The following ZBTB7C variants were observed in gnomAD, a reference collection of about 807,000 sequenced individuals.
ZBTB7C encodes zinc finger and BTB domain-containing protein 7C.
Under a neutral mutation model 25.7 loss-of-function variants are expected in ZBTB7C, and 8 were observed. That is an observed-to-expected ratio of 0.31 (90% CI 0.18 to 0.56). ZBTB7C has a LOEUF of 0.56. Among genes scored for constraint, ZBTB7C ranks in the 20% least tolerant of loss-of-function variants. ZBTB7C has a pLI of 0.91. For missense variants in ZBTB7C, 824 were observed against 855.2 expected, an observed-to-expected ratio of 0.96 and a Z score of 0.46; for synonymous variants, 394 against 369.0, an observed-to-expected ratio of 1.07 and a Z score of -0.78.
At chr18:48,372,555 T>C (rs1259538405) in intron 1 of ZBTB7C, among the ~76,000 whole-genome samples, 2 of 152,152 alleles carry the variant, frequency 1.3e-5, no homozygotes, top group Non-Finnish European at 2.9e-5. Flanking sequence ...TTGACGTGGG[T>C]TAAGCTATTA....
At chr18:48,405,380 T>C (rs973419529) in intron 1 of ZBTB7C, among the ~76,000 whole-genome samples, 1 of 152,106 alleles carries the variant, frequency 6.6e-6, no homozygotes, top group African/African-American at 2.4e-5. Context: ...GGGAACCACA[T>C]CTAATTTGCC....
chr18:48,159,483 C>T (rs761228996), intron 3 of ZBTB7C, among the ~76,000 whole-genome samples: 27 of 152,164 alleles, frequency 1.8e-4, no homozygotes, highest in Non-Finnish European at 3.5e-4. Flanking sequence ...TTCATCATCA[C>T]AAGAAAGTCA....
chr18:48,060,017 GC>G (rs1362651126), intron 3 of ZBTB7C, among the ~76,000 whole-genome samples: 1 of 152,118 alleles, frequency 6.6e-6, no homozygotes, highest in East Asian at 1.9e-4. Context: ...GAGGAGGAGA[GC>G]CCCTTTGTAA....
chr18:48,029,977 C>A lies in ZBTB7C; in HGVS notation c.1209-66G>T, dbSNP rs1361916781. On this transcript the variant is annotated intron_variant, in intron 4 of 4. Coordinates refer to ENST00000590800, the MANE Select transcript of ZBTB7C (RefSeq NM_001318841.2). The stretch of plus-strand genomic sequence containing the variant: ...CAGGAGCCATTCCTAACCTTTTGCT[C>A]CCCCTTTCTCCAGAACCAGCCGAGG... The A allele has an allele frequency of 1.9e-6, 3 of 1,595,206 alleles. No homozygotes were observed. In the East Asian group the frequency reaches 6.7e-5, roughly 36 times the overall value.
rs750079667 is a variant in ZBTB7C, at chr18:48,203,906, G to C, written c.-78-17911C>G. ...TAGAGAGGAGGAGAGGCTCTGAAGA[G>C]GGGGTGTCTCCTCTACTCATAATTT... is the stretch of plus-strand genomic sequence containing the variant. On this transcript the variant is annotated intron_variant, in intron 2 of 4. Transcript: ENST00000590800. Among the ~76,000 whole-genome samples, 69 of 152,174 alleles carry C rather than the reference G, an allele frequency of 4.5e-4. 1 individual carries two copies. Among genetic ancestry groups the C allele is most frequent in the Non-Finnish European group, 9.0e-4 (61 of 68,024 alleles).
intron 1 of ZBTB7C, among the ~76,000 whole-genome samples, chr18:48,367,679 T>G (rs1469528423): frequency 6.6e-6 from 1 of 151,942 alleles, no homozygotes; most frequent in Non-Finnish European, 1.5e-5. Flanking sequence ...ACCCTCCCCA[T>G]GTCAGCAAAG....
At chr18:48,062,407 C>T (rs141977797) in intron 3 of ZBTB7C, among the ~76,000 whole-genome samples, 88 of 152,140 alleles carry the variant, frequency 5.8e-4, no homozygotes, top group Middle Eastern at 3.4e-3. Flanking sequence ...CTTCTGTGCT[C>T]AACACAAGAT....
At chr18:48,336,421 T>C (rs1162483894) in intron 2 of ZBTB7C, among the ~76,000 whole-genome samples, 2 of 152,202 alleles carry the variant, frequency 1.3e-5, no homozygotes, top group Non-Finnish European at 2.9e-5. Context: ...GTGTGTTACA[T>C]GTTTTACTTT....
Position 48,213,028 on chromosome 18 carries a change from C to T in ZBTB7C, c.-78-27033G>A, listed in dbSNP as rs188077397. Among the ~76,000 whole-genome samples, 15 of 152,298 alleles carry T rather than the reference C, an allele frequency of 9.8e-5. 1 individual carries two copies. Among genetic ancestry groups the T allele is most frequent in the East Asian group, 5.8e-4 (3 of 5,186 alleles). On this transcript the variant is annotated intron_variant, in intron 2 of 4. Transcript: ENST00000590800. ...GGCCTTTCCTCCAGCCGGAGACCGG[C>T]GAGAGAATCTGTTTTGCAGCTCCCC...
intron 2 of ZBTB7C, among the ~76,000 whole-genome samples, chr18:48,193,317 C>A (rs1030658697): frequency 6.6e-6 from 1 of 152,170 alleles, no homozygotes; most frequent in Admixed American, 6.5e-5. Flanking sequence ...GAGGGAAGGT[C>A]TATAATAGAC....
At chr18:48,387,616 C>T (rs2047778880) in intron 1 of ZBTB7C, among the ~76,000 whole-genome samples, 1 of 152,130 alleles carries the variant, frequency 6.6e-6, no homozygotes. Flanking sequence ...GACAGAGAAA[C>T]TAACATGAAG....
chr18:48,062,154 C>T (rs1210971168), intron 3 of ZBTB7C, among the ~76,000 whole-genome samples: 2 of 152,208 alleles, frequency 1.3e-5, no homozygotes, highest in Non-Finnish European at 2.9e-5. Flanking sequence ...CCTCTGAAAA[C>T]CTTTGGCCCA....
intron 2 of ZBTB7C, among the ~76,000 whole-genome samples, chr18:48,310,430 T>TA (rs11429990): frequency 0.37 from 53,459 of 144,722 alleles, 9,798 homozygotes; most frequent in Non-Finnish European, 0.39. Flanking sequence ...GATTCAGGTT[T>TA]AAAAAAAAAA....
At chr18:48,183,863 T>A (rs2041990390) in intron 3 of ZBTB7C, among the ~76,000 whole-genome samples, 2 of 152,178 alleles carry the variant, frequency 1.3e-5, no homozygotes, top group Non-Finnish European at 1.5e-5. Flanking sequence ...GCAGTTGATG[T>A]GGACCAGACC....
chr18:48,397,870 C>T (rs1247898183), intron 1 of ZBTB7C, among the ~76,000 whole-genome samples: 1 of 152,216 alleles, frequency 6.6e-6, no homozygotes, highest in South Asian at 2.1e-4. Flanking sequence ...GAACCTCACC[C>T]GGGACCAAAG....
chr18:48,160,094 C>A (rs1054562016), intron 3 of ZBTB7C, among the ~76,000 whole-genome samples: 2 of 152,236 alleles, frequency 1.3e-5, no homozygotes, highest in African/African-American at 4.8e-5. Flanking sequence ...TCCAGACCCA[C>A]AGTCTCCTCC....
intron 1 of ZBTB7C, among the ~76,000 whole-genome samples, chr18:48,407,717 T>C (rs1163253597): frequency 6.6e-6 from 1 of 152,286 alleles, no homozygotes; most frequent in African/African-American, 2.4e-5. Flanking sequence ...CAAAATCCTA[T>C]GACCTTCTAT....
intron 3 of ZBTB7C, among the ~76,000 whole-genome samples, chr18:48,046,749 T>C (rs1026796618): frequency 6.6e-6 from 1 of 152,168 alleles, no homozygotes; most frequent in African/African-American, 2.4e-5. Flanking sequence ...TTGAGAGCAA[T>C]GTCTACTTGC....
At chr18:48,408,726 CTT>C (rs1351333277) in intron 1 of ZBTB7C, 1 of 152,094 alleles carries the variant, frequency 6.6e-6, no homozygotes. Context: ...TGCGGTAAAA[CTT>C]TTGGCAGAAA....
Sources: allele counts gnomAD v4.1 joint callset (sites outside exome capture counted in the v4.1 genomes callset), GRCh38; gene constraint gnomAD v4.1.1; transcripts MANE v1.5; gene names NCBI Gene and HGNC (gene_info 2026-07-23, HGNC 2026-07-21).